Variants in CDC42EP4 observed in about 807,000 individuals in gnomAD.
CDC42EP4 encodes CDC42 effector protein 4.
Under a neutral mutation model 5.6 loss-of-function variants are expected in CDC42EP4, and 6 were observed. That is an observed-to-expected ratio of 1.07 (90% CI 0.59 to 2.12). The LOEUF (loss-of-function observed/expected upper bound fraction) is 2.12. Among genes scored for constraint, CDC42EP4 ranks in the 30% most tolerant of loss-of-function variants. The pLI is 0.00. For synonymous variants in CDC42EP4, 230 were observed against 224.2 expected (o/e 1.03, Z -0.23); for missense variants, 490 against 508.6 (o/e 0.96, Z 0.35).
chr17:73,292,159 G>A (rs888227486), intron 1 of CDC42EP4, among the ~76,000 whole-genome samples: 2 of 152,254 alleles, frequency 1.3e-5, no homozygotes, highest in South Asian at 4.1e-4. Context: ...GGTTCACCCC[G>A]GTATACAGGG....
intron 1 of CDC42EP4, among the ~76,000 whole-genome samples, chr17:73,299,827 C>T (rs1032483134): frequency 2.6e-5 from 4 of 152,080 alleles, no homozygotes; most frequent in Non-Finnish European, 5.9e-5. Context: ...AGCTCTATCC[C>T]CAGGCATGGC....
At chr17:73,302,231 T>C (rs1198806165) in intron 1 of CDC42EP4, among the ~76,000 whole-genome samples, 1 of 152,222 alleles carries the variant, frequency 6.6e-6, no homozygotes, top group African/African-American at 2.4e-5. Context: ...TTGAATCTTT[T>C]GGGCTTTGGA....
In CDC42EP4 at chr17:73,286,441, C is replaced by T. The variant is rs147217940; in HGVS notation, c.60G>A (p.Ala20=). 2.4e-4 allele frequency: 381 copies of T among 1,612,288 alleles called. No individual in the cohort carries two copies. Among genetic ancestry groups the T allele is most frequent in the Non-Finnish European group, 2.9e-4 (339 of 1,178,852 alleles). Residue 20 remains alanine, a synonymous_variant, in exon 2 of 2, where the codon GCG becomes GCA. Coordinates refer to ENST00000335793, the MANE Select transcript of CDC42EP4 (RefSeq NM_012121.5). This position sits in a 1 kb window ranked among gnomAD's most constrained non-coding sequence, Gnocchi z 7.7. ...CGCTGATCATCTCGGCCGTGAGGTC[C>T]GCTCGGGAACGGCGCTTGGAGTGCA... The part of the protein sequence containing the change: ...SSVHSKRRSR[A]DLTAEMISAP...
In CDC42EP4 at chr17:73,285,256, A is replaced by T; in HGVS notation, c.*174T>A. 2.0e-6 allele frequency: 1 copy of T among 512,580 alleles called. No homozygotes were observed. The highest frequency in any genetic ancestry group is 3.4e-6 in the Non-Finnish European group (1 of 293,540). The allele number at this position is 512,580 out of a possible 1,614,324, so 31.8% of individuals were successfully genotyped here. A position where few individuals can be genotyped will look rare whatever the true frequency, so the allele number is the denominator to read the frequency against. On this transcript the variant is annotated 3_prime_UTR_variant, in exon 2 of 2. Coordinates refer to ENST00000335793, the MANE Select transcript of CDC42EP4 (RefSeq NM_012121.5). This position sits in a 1 kb window ranked among gnomAD's most constrained non-coding sequence, Gnocchi z 6.8. ...CAGTCGGCACCCATGCCAGCCCCCT[A>T]CGTCCTCCGAAGACCCGAGGGCCAG... is the stretch of plus-strand genomic sequence containing the variant.
intron 1 of CDC42EP4, among the ~76,000 whole-genome samples, chr17:73,303,269 G>GA (rs1270560718): frequency 2.6e-4 from 39 of 152,178 alleles, no homozygotes; most frequent in African/African-American, 9.2e-4. Flanking sequence ...CTTGAACCCA[G>GA]AAAGCAGAGG....
rs372775833 is a variant in CDC42EP4, at chr17:73,286,397, C to T, written c.104G>A (p.Arg35His). 11 of 1,613,818 alleles carry T rather than the reference C, an allele frequency of 6.8e-6. No individual in the cohort carries two copies. The highest frequency in any genetic ancestry group is 5.3e-5 in the African/African-American group (4 of 74,956). The change falls in exon 2 of 2, where the codon CGC (arginine) becomes CAC (histidine). Residue 35 changes from arginine to histidine, a missense_variant. Physicochemically the swap from Arg to His is conservative, Grantham distance 29. Coordinates refer to ENST00000335793, the MANE Select transcript of CDC42EP4 (RefSeq NM_012121.5). This position sits in a 1 kb window ranked among gnomAD's most constrained non-coding sequence, Gnocchi z 7.7. ...GGCCCGGCCAACGTGCATGGTGTGG[C>T]GGAAGTCGCCCAGCGGGGCGCTGAT... ...EMISAPLGDF[R>H]HTMHVGRAGD...
rs142384891 is a variant in CDC42EP4, at chr17:73,285,740, G to A, written c.761C>T (p.Pro254Leu). ...CAGGGGAGGGGCCGCCACGGCGTACGGGGGAGCCTGGGTGATGGTGCCAGC... is the reference window on the plus strand; with the variant it reads ...CAGGGGAGGGGCCGCCACGGCGTACAGGGGAGCCTGGGTGATGGTGCCAGC... ...GAAGTITQAP[P>L]YAVAAPPLAR... The change falls in exon 2 of 2, where the codon CCG (proline) becomes CTG (leucine). Residue 254 changes from proline to leucine, a missense_variant. Pro to Leu is a moderately conservative substitution (Grantham distance 98, BLOSUM62 -3). Coordinates refer to ENST00000335793, the MANE Select transcript of CDC42EP4 (RefSeq NM_012121.5). The surrounding 1 kb of genome is among the most constrained non-coding windows in gnomAD (Gnocchi z 6.8). The A allele has an allele frequency of 4.2e-5, 66 of 1,586,574 alleles. No homozygotes were observed. The highest frequency in any genetic ancestry group is 1.7e-4 in the Middle Eastern group (1 of 5,992).
chr17:73,311,472 C>G (rs2062274925), intron 1 of CDC42EP4: 2 of 152,392 alleles, frequency 1.3e-5, no homozygotes, highest in African/African-American at 4.8e-5. Flanking sequence ...CGCGCGCCGC[C>G]GATTGCTGCG....
intron 1 of CDC42EP4, among the ~76,000 whole-genome samples, chr17:73,295,070 C>T (rs2062178156): frequency 6.6e-6 from 1 of 152,136 alleles, no homozygotes; most frequent in Non-Finnish European, 1.5e-5. Flanking sequence ...CCTCGGCCTC[C>T]CAAAGTGCTG....
chr17:73,289,554 T>C (rs934063618), intron 1 of CDC42EP4, among the ~76,000 whole-genome samples: 1 of 145,370 alleles, frequency 6.9e-6, no homozygotes, highest in Non-Finnish European at 1.5e-5. Context: ...TCTTTTGTAA[T>C]AAACCAGTAA....
intron 1 of CDC42EP4, among the ~76,000 whole-genome samples, chr17:73,301,529 A>C (rs1026507663): frequency 1.3e-5 from 2 of 152,182 alleles, no homozygotes; most frequent in Admixed American, 6.5e-5. Flanking sequence ...AGGTCCTTTC[A>C]GGCAATTATG....
At position 73,305,926 on chromosome 17, in the gene CDC42EP4, G is replaced by C. The variant is rs2062242595; in HGVS notation, c.-113+5967C>G. 2.0e-5 allele frequency among the ~76,000 whole-genome samples: 3 copies of C among 152,162 alleles called. No individual in the cohort carries two copies. The South Asian group carries it at 6.2e-4, about 32-fold the overall frequency. On this transcript the variant is annotated intron_variant, in intron 1 of 1. Transcript: ENST00000335793. The stretch of plus-strand genomic sequence containing the variant: ...TGATGCAGGGGGAAGGGTCCCCCAA[G>C]CTGCTGAAGCCCAGGTACAGATTCT...
chr17:73,301,303 G>A (rs1479087846), intron 1 of CDC42EP4, among the ~76,000 whole-genome samples: 1 of 152,104 alleles, frequency 6.6e-6, no homozygotes, highest in Non-Finnish European at 1.5e-5. Context: ...TTCTATTGGA[G>A]AGCAATAATT....
rs1310014206 is a variant in CDC42EP4, at chr17:73,283,803, G to C, written c.*1627C>G. 3 of 152,268 alleles carry C rather than the reference G, an allele frequency of 2.0e-5. No homozygotes were observed. The highest frequency in any genetic ancestry group is 7.2e-5 in the African/African-American group (3 of 41,456). The allele number at this position is 152,268 out of a possible 1,614,324, so 9.4% of individuals were successfully genotyped here. A position where few individuals can be genotyped will look rare whatever the true frequency, so the allele number is the denominator to read the frequency against. On this transcript the variant is annotated 3_prime_UTR_variant, in exon 2 of 2. Coordinates refer to ENST00000335793, the MANE Select transcript of CDC42EP4 (RefSeq NM_012121.5). ...CTATTGGAAACAGGAGCACCAACAG[G>C]GCACCGAACCTGGAACTAAGTTAGT...
intron 1 of CDC42EP4, among the ~76,000 whole-genome samples, chr17:73,288,436 A>G (rs1219169559): frequency 6.8e-6 from 1 of 147,250 alleles, no homozygotes; most frequent in Non-Finnish European, 1.5e-5. Flanking sequence ...TAATTTTAGT[A>G]GAGATAGAGA....
chr17:73,300,134 C>T (rs1239627273), intron 1 of CDC42EP4, among the ~76,000 whole-genome samples: 1 of 152,204 alleles, frequency 6.6e-6, no homozygotes, highest in African/African-American at 2.4e-5. Flanking sequence ...CCCTCACTGC[C>T]CGCGTGCCAA....
At position 73,295,503 on chromosome 17, in the gene CDC42EP4, A is replaced by G. The variant is rs143771324; in HGVS notation, c.-112-8891T>C. On this transcript the variant is annotated intron_variant, in intron 1 of 1. Coordinates refer to ENST00000335793, the MANE Select transcript of CDC42EP4 (RefSeq NM_012121.5). ...GCCACCAGGCAGGGGGAACATTACA[A>G]AACTCTGATCCAAGAGCTGCTCAGA... Among the ~76,000 whole-genome samples, 13 of 152,312 alleles carry G rather than the reference A, an allele frequency of 8.5e-5. No individual in the cohort carries two copies. The East Asian group carries it at 2.5e-3, about 29-fold the overall frequency.
At chr17:73,310,937 G>C (rs1445729841) in intron 1 of CDC42EP4, 1 of 152,210 alleles carries the variant, frequency 6.6e-6, no homozygotes, top group Non-Finnish European at 1.5e-5. Flanking sequence ...CGGGGGCAGG[G>C]GGCAGTTTTG....
rs547422827 is a variant in CDC42EP4, at chr17:73,297,276, A to T, written c.-112-10664T>A. On this transcript the variant is annotated intron_variant, in intron 1 of 1. Coordinates refer to ENST00000335793, the MANE Select transcript of CDC42EP4 (RefSeq NM_012121.5). ...GCCATTGCACTCCAGCCTGGGGGACAAGAGCAAGACTTCGTCTCCAAAAAA... is the reference window on the plus strand; with the variant it reads ...GCCATTGCACTCCAGCCTGGGGGACTAGAGCAAGACTTCGTCTCCAAAAAA... 5.5e-5 allele frequency among the ~76,000 whole-genome samples: 8 copies of T among 146,160 alleles called. No homozygotes were observed. The East Asian group carries it at 1.4e-3, about 26-fold the overall frequency.
Sources: allele counts gnomAD v4.1 joint callset (sites outside exome capture counted in the v4.1 genomes callset), GRCh38; gene constraint gnomAD v4.1.1; non-coding constraint Gnocchi (gnomAD v3.1); transcripts MANE v1.5; gene names NCBI Gene and HGNC (gene_info 2026-07-23, HGNC 2026-07-21).